Variants in TMTC1 observed in about 807,000 individuals in gnomAD.
The protein encoded by TMTC1 is protein O-mannosyl-transferase TMTC1.
In TMTC1, 73 loss-of-function variants were observed where a neutral mutation model predicts 104.8. That is an observed-to-expected ratio of 0.70 (90% CI 0.58 to 0.85). TMTC1 has a LOEUF of 0.85. TMTC1 is among the 40% of genes least tolerant of loss of function. The probability of loss-of-function intolerance (pLI) is 0.00; values close to 1 mark genes in which losing one functional copy is unlikely to be tolerated. For missense variants in TMTC1, 1,035 were observed against 1,096.1 expected (o/e 0.94, Z 0.79); for synonymous variants, 434 against 428.7 (o/e 1.01, Z -0.15).
intron 2 of TMTC1, among the ~76,000 whole-genome samples, chr12:29,759,147 G>A (rs928021824): frequency 2.0e-5 from 3 of 152,150 alleles, no homozygotes; most frequent in African/African-American, 7.2e-5. Flanking sequence ...GCTGCTAATG[G>A]AGCAGACAAT....
chr12:29,525,994 C>T (rs570070070), intron 11 of TMTC1, among the ~76,000 whole-genome samples: 26 of 152,234 alleles, frequency 1.7e-4, no homozygotes, highest in African/African-American at 5.8e-4. Context: ...TATGAGAAAG[C>T]TTTCATATAA....
intron 5 of TMTC1, among the ~76,000 whole-genome samples, chr12:29,711,188 A>T (rs1941916075): frequency 6.6e-6 from 1 of 151,666 alleles, no homozygotes; most frequent in African/African-American, 2.4e-5. Flanking sequence ...CTGTGTGCCC[A>T]GGCTGGTCTC....
rs1005198822 is a variant in TMTC1, at chr12:29,585,820, A to C, written c.1251-2246T>G. Among the ~76,000 whole-genome samples the C allele has an allele frequency of 2.1e-4, 32 of 152,236 alleles. 1 individual carries two copies. The highest frequency in any genetic ancestry group is 1.5e-3 in the Admixed American group (23 of 15,288). The stretch of plus-strand genomic sequence containing the variant: ...TATATCTCTGTTTTGGTACCAGTAC[A>C]ATGCTGTTTTGGTTACTGTAGGCTT... On this transcript the variant is annotated intron_variant, in intron 7 of 17. Transcript: ENST00000539277.
intron 5 of TMTC1, among the ~76,000 whole-genome samples, chr12:29,675,572 C>G (rs989898946): frequency 2.0e-5 from 3 of 146,406 alleles, no homozygotes; most frequent in African/African-American, 7.5e-5. Context: ...TCTCTGTGCC[C>G]TGGACACACA....
At chr12:29,704,276 TAGAA>T (rs1941681020) in intron 5 of TMTC1, among the ~76,000 whole-genome samples, 1 of 152,172 alleles carries the variant, frequency 6.6e-6, no homozygotes, top group African/African-American at 2.4e-5. Context: ...TACAATAAAA[TAGAA>T]AGTTATTGCA....
intron 6 of TMTC1, among the ~76,000 whole-genome samples, chr12:29,613,283 C>T (rs938125187): frequency 2.6e-5 from 4 of 152,180 alleles, no homozygotes; most frequent in South Asian, 4.1e-4. Flanking sequence ...AGGACCCCCA[C>T]CTGACACCCA....
chr12:29,596,921 G>T (rs1946418692), intron 7 of TMTC1, among the ~76,000 whole-genome samples: 1 of 152,176 alleles, frequency 6.6e-6, no homozygotes, highest in South Asian at 2.1e-4. Context: ...TTAGACAAAA[G>T]ACTCAGCACC....
intron 5 of TMTC1, among the ~76,000 whole-genome samples, chr12:29,675,500 T>G (rs1591908839): frequency 6.6e-6 from 1 of 152,072 alleles, no homozygotes; most frequent in East Asian, 1.9e-4. Flanking sequence ...AGTAAGCTGG[T>G]ACAGTACAGT....
At chr12:29,637,198 G>C (rs865916492) in intron 5 of TMTC1, among the ~76,000 whole-genome samples, 1 of 152,182 alleles carries the variant, frequency 6.6e-6, no homozygotes, top group Middle Eastern at 3.4e-3. Flanking sequence ...CTGGAGATAG[G>C]GGGTGGAGGG....
chr12:29,758,098 A>G (rs549063334), intron 3 of TMTC1, among the ~76,000 whole-genome samples: 1 of 152,286 alleles, frequency 6.6e-6, no homozygotes, highest in East Asian at 1.9e-4. Flanking sequence ...CTTTCTCTAT[A>G]TGGACATGAC....
At chr12:29,545,936 C>T (rs1015873427) in intron 10 of TMTC1, among the ~76,000 whole-genome samples, 4 of 152,234 alleles carry the variant, frequency 2.6e-5, no homozygotes, top group Middle Eastern at 6.8e-3. Flanking sequence ...GATGTAGTTA[C>T]TAGTATTATT....
intron 1 of TMTC1, among the ~76,000 whole-genome samples, chr12:29,768,286 T>C (rs1055773399): frequency 2.6e-5 from 4 of 152,206 alleles, no homozygotes; most frequent in Admixed American, 1.3e-4. Flanking sequence ...TCCATGCATA[T>C]ACAATACAAT....
chr12:29,774,324 G>C (rs1481736938), intron 1 of TMTC1, among the ~76,000 whole-genome samples: 1 of 152,134 alleles, frequency 6.6e-6, no homozygotes, highest in Non-Finnish European at 1.5e-5. Context: ...GTGATACTCA[G>C]AACAATGAGA....
intron 11 of TMTC1, chr12:29,534,371 T>G (rs299452): frequency 0.99 from 150,573 of 152,360 alleles, 74,435 homozygotes; most frequent in East Asian, 1. Context: ...TCCATTCTTA[T>G]ATCTCACATC....
chr12:29,523,574 G>A (rs186777060), intron 11 of TMTC1, among the ~76,000 whole-genome samples: 10 of 152,188 alleles, frequency 6.6e-5, no homozygotes, highest in Non-Finnish European at 1.5e-4. Context: ...ATTTAACAAT[G>A]CTCCCCTCAA....
intron 7 of TMTC1, among the ~76,000 whole-genome samples, chr12:29,589,600 A>G (rs1159277991): frequency 6.6e-6 from 1 of 152,188 alleles, no homozygotes; most frequent in Non-Finnish European, 1.5e-5. Flanking sequence ...GCCTCCTTGT[A>G]GGAACAGAGC....
chr12:29,749,229 GATAC>G (rs1193379863), intron 5 of TMTC1, among the ~76,000 whole-genome samples: 2 of 125,752 alleles, frequency 1.6e-5, no homozygotes, highest in Non-Finnish European at 1.8e-5. Context: ...GTTATCTAAG[GATAC>G]ACACACACAC....
intron 5 of TMTC1, among the ~76,000 whole-genome samples, chr12:29,694,934 CAACAAAACAA>C (rs140290699): frequency 0.072 from 10,987 of 151,624 alleles, 676 homozygotes; most frequent in African/African-American, 0.16. Context: ...AACTCCATCT[CAACAAAACAA>C]AACAAAACAA....
chr12:29,624,950 C>T (rs1285243488), intron 6 of TMTC1, among the ~76,000 whole-genome samples: 2 of 152,174 alleles, frequency 1.3e-5, no homozygotes, highest in Non-Finnish European at 2.9e-5. Flanking sequence ...AATGAAAGAT[C>T]TTTCCATGAA....
Sources: allele counts gnomAD v4.1 joint callset (sites outside exome capture counted in the v4.1 genomes callset), GRCh38; gene constraint gnomAD v4.1.1; transcripts MANE v1.5; gene names NCBI Gene and HGNC (gene_info 2026-07-23, HGNC 2026-07-21).